TRPM3: variants seen among roughly 807,000 people sequenced by gnomAD.
TRPM3 encodes the protein long transient receptor potential channel 3.
In TRPM3, 77 loss-of-function variants were observed where a neutral mutation model predicts 181.2. The observed-to-expected ratio is 0.42, with a 90% CI of 0.35 to 0.51. The LOEUF (loss-of-function observed/expected upper bound fraction) is 0.51, where lower values mean the gene tolerates loss of function less well. Ranked by LOEUF, TRPM3 falls within the 20% of genes least tolerant of loss-of-function variation. The probability of loss-of-function intolerance (pLI) is 0.01; values close to 1 mark genes in which losing one functional copy is unlikely to be tolerated. For synonymous variants in TRPM3, 745 were observed against 796.4 expected (o/e 0.94, Z 1.09); for missense variants, 1,759 against 2,196.7 (o/e 0.80, Z 3.98).
chr9:71,426,519 C>A (rs1044175303), intron 1 of TRPM3, among the ~76,000 whole-genome samples: 2 of 152,142 alleles, frequency 1.3e-5, no homozygotes, highest in African/African-American at 2.4e-5. Context: ...CTCCAATCTT[C>A]TGAAACTCTC....
intron 1 of TRPM3, among the ~76,000 whole-genome samples, chr9:71,405,646 A>C (rs1235024285): frequency 6.6e-6 from 1 of 152,166 alleles, no homozygotes; most frequent in African/African-American, 2.4e-5. Flanking sequence ...ACATATTGAG[A>C]TCTAATTCTA....
At chr9:70,552,796 G>T in intron 24 of TRPM3, 48 bp downstream of exon 24, 1 of 1,595,148 alleles carries the variant, frequency 6.3e-7, no homozygotes, top group Non-Finnish European at 8.6e-7. Flanking sequence ...TATAGGAAGT[G>T]GTAGGGATTT....
In TRPM3 at chr9:70,536,926, G is replaced by A; in HGVS notation, c.4187C>T (p.Ala1396Val). The change falls in exon 26 of 26, where the codon GCC becomes GTC. Residue 1396 changes from alanine to valine, a missense_variant. This residue lies in a region of TRPM3 where 612 missense variants were observed against 590.0 expected (regional missense o/e 1.04). Transcript: ENST00000677713. ...AKEPKAPAAPANTLAIVPDSR... is the reference protein window; with the variant it reads ...AKEPKAPAAPVNTLAIVPDSR... ...ATCAGGAACAATGGCCAAGGTGTTG[G>A]CAGGGGCTGCAGGAGCTTTGGGTTC... is the stretch of plus-strand genomic sequence containing the variant. 1 of 1,614,212 alleles carries A rather than the reference G, an allele frequency of 6.2e-7. No homozygotes were observed. The highest frequency in any genetic ancestry group is 8.5e-7 in the Non-Finnish European group (1 of 1,180,030).
chr9:70,876,195 T>G (rs2095866406), intron 1 of TRPM3, among the ~76,000 whole-genome samples: 1 of 151,718 alleles, frequency 6.6e-6, no homozygotes, highest in Admixed American at 6.6e-5. Context: ...TACTGATTTA[T>G]TCTTACCTCA....
intron 9 of TRPM3, among the ~76,000 whole-genome samples, chr9:70,671,930 ATT>A (rs10633740): frequency 2.8e-5 from 4 of 141,522 alleles, no homozygotes; most frequent in Admixed American, 7.0e-5. Flanking sequence ...TGTCCAGCTA[ATT>A]TTTTTTTTTT....
At chr9:71,317,318 T>C (rs13289903) in intron 1 of TRPM3, among the ~76,000 whole-genome samples, 3,458 of 152,248 alleles carry the variant, frequency 0.023, 52 homozygotes, top group Non-Finnish European at 0.037. Flanking sequence ...GTATTTTCTA[T>C]AAAATCAAGA....
intron 1 of TRPM3, among the ~76,000 whole-genome samples, chr9:71,026,152 A>G (rs2097895094): frequency 6.6e-6 from 1 of 152,176 alleles, no homozygotes; most frequent in Admixed American, 6.5e-5. Context: ...GAGCATGGCC[A>G]GGAGTGCCCA....
At chr9:71,282,303 GAACGAAAGAAAGAAAGA>G (rs1482683358) in intron 1 of TRPM3, among the ~76,000 whole-genome samples, 1 of 83,996 alleles carries the variant, frequency 1.2e-5, no homozygotes, top group African/African-American at 5.3e-5. Context: ...GAAAAAGAAA[GAACGAAAGAAAGAAAGA>G]AAGGAAAGAA....
At chr9:70,698,235 GC>G (rs150443105) in intron 8 of TRPM3, among the ~76,000 whole-genome samples, 7,704 of 149,332 alleles carry the variant, frequency 0.052, 226 homozygotes, top group South Asian at 0.11. Context: ...AATTTTTCTT[GC>G]TTATATCCTT....
At chr9:71,094,549 T>C (rs533135976) in intron 1 of TRPM3, among the ~76,000 whole-genome samples, 1 of 151,488 alleles carries the variant, frequency 6.6e-6, no homozygotes, top group African/African-American at 2.4e-5. Flanking sequence ...AAGAGGAATA[T>C]AGGAGGAGAA....
intron 1 of TRPM3, among the ~76,000 whole-genome samples, chr9:71,064,411 G>T (rs1191606554): frequency 6.6e-6 from 1 of 150,778 alleles, no homozygotes; most frequent in Non-Finnish European, 1.5e-5. Context: ...CACAAGGTAA[G>T]TATCACCATG....
chr9:70,635,785 C>T (rs936659766), intron 11 of TRPM3, among the ~76,000 whole-genome samples: 2 of 152,050 alleles, frequency 1.3e-5, no homozygotes, highest in Non-Finnish European at 1.5e-5. Flanking sequence ...TAAACAAACA[C>T]GTTGGCAGAT....
chr9:70,688,901 C>T (rs560805851), intron 8 of TRPM3, among the ~76,000 whole-genome samples: 3 of 152,188 alleles, frequency 2.0e-5, no homozygotes, highest in Admixed American at 6.5e-5. Flanking sequence ...GCACACATCT[C>T]TCTGCACTGA....
chr9:70,798,227 A>G (rs73461945), intron 6 of TRPM3, among the ~76,000 whole-genome samples: 1,947 of 152,066 alleles, frequency 0.013, 50 homozygotes, highest in African/African-American at 0.045. Context: ...GCTAATTTCT[A>G]TATTTTGTGT....
chr9:71,371,851 C>T (rs192575778), intron 1 of TRPM3, among the ~76,000 whole-genome samples: 63 of 152,262 alleles, frequency 4.1e-4, no homozygotes, highest in African/African-American at 1.2e-3. Flanking sequence ...TTTTCTCCAA[C>T]TTTTAAGTTC....
rs185107441 is a variant in TRPM3, at chr9:70,782,480, G to A, written c.1148+1625C>T. Among the ~76,000 whole-genome samples, 512 of 152,224 alleles carry A rather than the reference G, an allele frequency of 3.4e-3. 3 individuals are homozygous for A. Among genetic ancestry groups the A allele is most frequent in the African/African-American group, 0.012 (483 of 41,544 alleles). On this transcript the variant is annotated intron_variant, in intron 7 of 25. Transcript: ENST00000677713. ...ACCCGCCTTGGCCTCCCAAAGTGCT[G>A]GGATTATAGGCATGAGCCTCTGTGC...
At chr9:71,045,094 A>T (rs962596983) in intron 1 of TRPM3, among the ~76,000 whole-genome samples, 2 of 148,376 alleles carry the variant, frequency 1.3e-5, no homozygotes, top group Admixed American at 1.3e-4. Flanking sequence ...TTTACTATTT[A>T]TTATTATTAT....
chr9:70,638,429 T>C (rs1185849788), intron 11 of TRPM3, among the ~76,000 whole-genome samples: 1 of 152,212 alleles, frequency 6.6e-6, no homozygotes, highest in Non-Finnish European at 1.5e-5. Flanking sequence ...TGGATTTTAG[T>C]ATGAGCTCAG....
chr9:70,696,804 G>T (rs1442978602), intron 8 of TRPM3, among the ~76,000 whole-genome samples: 1 of 151,990 alleles, frequency 6.6e-6, no homozygotes, highest in Non-Finnish European at 1.5e-5. Context: ...AATCACAAAG[G>T]TCATTTATCA....
Sources: allele counts gnomAD v4.1 joint callset (sites outside exome capture counted in the v4.1 genomes callset), GRCh38; gene constraint gnomAD v4.1.1; regional missense constraint gnomAD v4.1.1; transcripts MANE v1.5; gene names NCBI Gene and HGNC (gene_info 2026-07-23, HGNC 2026-07-21).